ACVR1C: variants seen among roughly 807,000 people sequenced by gnomAD.
ACVR1C encodes the protein activin A receptor type 1C, also known as activin receptor type-1C.
ACVR1C carries 23 observed loss-of-function variants against 57.9 expected under a neutral mutation model. The ratio of observed to expected loss-of-function variants is 0.40; its 90% CI spans 0.29 to 0.56. The LOEUF is 0.56. ACVR1C is among the 20% of genes least tolerant of loss of function. The pLI, the probability that ACVR1C is intolerant of heterozygous loss-of-function variation, is 0.50. For missense variants in ACVR1C, 480 were observed against 607.9 expected, an observed-to-expected ratio of 0.79 and a Z score of 2.21; for synonymous variants, 214 against 215.3, an observed-to-expected ratio of 0.99 and a Z score of 0.05.
intron 1 of ACVR1C, among the ~76,000 whole-genome samples, chr2:157,602,254 A>G (rs141827182): frequency 2.0e-4 from 30 of 152,354 alleles, no homozygotes; most frequent in African/African-American, 7.0e-4. Flanking sequence ...CAATAATTTC[A>G]ACAGAAAAAT....
At chr2:157,572,379 T>TAA (rs552511395) in intron 2 of ACVR1C, among the ~76,000 whole-genome samples, 7 of 136,808 alleles carry the variant, frequency 5.1e-5, no homozygotes, top group African/African-American at 1.9e-4. Context: ...AAAAAAAAAT[T>TAA]AAAAAAAAAA....
intron 1 of ACVR1C, among the ~76,000 whole-genome samples, chr2:157,604,751 C>G (rs1005306151): frequency 5.9e-5 from 9 of 151,714 alleles, no homozygotes; most frequent in African/African-American, 2.2e-4. Context: ...GAGTTGTTTC[C>G]TTAATATTGA....
chr2:157,538,473 T>C (rs1687539349), intron 8 of ACVR1C, 100 bp downstream of exon 8: 1 of 1,159,284 alleles, frequency 8.6e-7, no homozygotes, highest in South Asian at 2.7e-5. Context: ...TGTCTACATA[T>C]ATGGAATGAA....
At chr2:157,549,486 T>C (rs1687857742) in intron 4 of ACVR1C, among the ~76,000 whole-genome samples, 1 of 152,114 alleles carries the variant, frequency 6.6e-6, no homozygotes, top group African/African-American at 2.4e-5. Flanking sequence ...TTCTCCAGGA[T>C]TCTGTTCTAC....
Position 157,587,182 on chromosome 2 carries a change from C to T in ACVR1C, c.304+5G>A. 1.2e-6 allele frequency: 2 copies of T among 1,602,376 alleles called. No individual in the cohort carries two copies. Among genetic ancestry groups the T allele is most frequent in the South Asian group, 2.2e-5 (2 of 90,796 alleles). On this transcript the variant is annotated splice_donor_5th_base_variant and intron_variant, in intron 2 of 8. Transcript: ENST00000243349. ...ATTCGGAATGAACAAAGATAAACCC[C>T]TTACCTGTTGGAAGGTGCAGTGTTA...
rs1347293591 is a variant in ACVR1C, at chr2:157,531,645, A to G, written c.*2273T>C. On this transcript the variant is annotated 3_prime_UTR_variant, in exon 9 of 9. Coordinates refer to ENST00000243349, the MANE Select transcript of ACVR1C (RefSeq NM_145259.3). ...AATAATTTCGTTCTTATATATGCAG[A>G]AAAACAATCTATGAGAAATTAGTAA... 1 of 152,126 alleles carries G rather than the reference A, an allele frequency of 6.6e-6. No homozygotes were observed. The highest frequency in any genetic ancestry group is 1.5e-5 in the Non-Finnish European group (1 of 67,988). 9.4% of individuals were successfully genotyped at this position (152,126 alleles called of 1,614,324 possible).
At position 157,628,621 on chromosome 2, in the gene ACVR1C, C is replaced by A. The variant is rs1419448524; in HGVS notation, c.24G>T (p.Ala8=). 4.4e-6 allele frequency: 7 copies of A among 1,597,982 alleles called. No homozygotes were observed. The African/African-American group carries it at 8.1e-5, about 18-fold the overall frequency. Residue 8 remains alanine (A), a synonymous_variant, in exon 1 of 9, where the codon GCG becomes GCT. Transcript: ENST00000243349. MTRALCS[A]LRQALLLLAA... ...CGAGCAGCAGGAGAGCCTGGCGGAG[C>A]GCTGAGCAGAGCGCCCGGGTCATCG...
At chr2:157,598,323 A>T in intron 1 of ACVR1C, among the ~76,000 whole-genome samples, 1 of 151,870 alleles carries the variant, frequency 6.6e-6, no homozygotes, top group East Asian at 1.9e-4. Flanking sequence ...AATATATACA[A>T]TTATGATTTG....
intron 2 of ACVR1C, among the ~76,000 whole-genome samples, chr2:157,582,996 C>T (rs914176934): frequency 6.6e-6 from 1 of 152,118 alleles, no homozygotes; most frequent in Non-Finnish European, 1.5e-5. Flanking sequence ...ATTCTCCCGC[C>T]TCAGCCTCCC....
At chr2:157,612,962 G>T (rs1006970364) in intron 1 of ACVR1C, among the ~76,000 whole-genome samples, 7 of 152,216 alleles carry the variant, frequency 4.6e-5, no homozygotes, top group African/African-American at 1.7e-4. Context: ...GTGTGACCCA[G>T]TACAAGTTCC....
At chr2:157,583,097 G>A (rs1223608208) in intron 2 of ACVR1C, among the ~76,000 whole-genome samples, 1 of 152,070 alleles carries the variant, frequency 6.6e-6, no homozygotes, top group South Asian at 2.1e-4. Context: ...CCAACCTCAA[G>A]TGATCTGCCC....
chr2:157,556,157 C>T lies in ACVR1C; in HGVS notation c.480G>A (p.Leu160=). ...NVEEPLSECN[L]VNAGKTLKDL... is the part of the protein sequence containing the mutation. ...CTTTCAGAGTTTTTCCAGCATTTAC[C>T]AGATTGCACTCAGAGAGTGGTTCCT... The change falls in exon 3 of 9, where the codon CTG becomes CTA. Residue 160 remains leucine, a synonymous_variant. Transcript: ENST00000243349. 2 of 1,613,988 alleles carry T rather than the reference C, an allele frequency of 1.2e-6. No individual in the cohort carries two copies. Among genetic ancestry groups the T allele is most frequent in the Non-Finnish European group, 1.7e-6 (2 of 1,179,954 alleles).
intron 2 of ACVR1C, among the ~76,000 whole-genome samples, chr2:157,575,965 T>A (rs1688636063): frequency 6.6e-6 from 1 of 152,206 alleles, no homozygotes; most frequent in Non-Finnish European, 1.5e-5. Flanking sequence ...CAGATTTACC[T>A]ACACTCACAC....
At chr2:157,566,920 GA>G (rs1348104431) in intron 2 of ACVR1C, among the ~76,000 whole-genome samples, 9 of 147,890 alleles carry the variant, frequency 6.1e-5, no homozygotes, top group Non-Finnish European at 1.1e-4. Context: ...GCAGGGCACA[GA>G]CAAACAAAAA....
chr2:157,537,691 C>CA (rs891201574), intron 8 of ACVR1C, among the ~76,000 whole-genome samples: 27 of 151,210 alleles, frequency 1.8e-4, no homozygotes, highest in African/African-American at 2.4e-4. Flanking sequence ...TAAAATATGG[C>CA]AAAAAAAATA....
chr2:157,566,064 A>C (rs1197251870), intron 2 of ACVR1C, among the ~76,000 whole-genome samples: 1 of 152,274 alleles, frequency 6.6e-6, no homozygotes, highest in East Asian at 1.9e-4. Flanking sequence ...CATACCTAGC[A>C]GAAATGATAG....
chr2:157,574,369 GTC>G lies in ACVR1C; in HGVS notation c.304+12816_304+12817del, dbSNP rs529028834. Among the ~76,000 whole-genome samples, 62 of 152,254 alleles carry G rather than the reference GTC, an allele frequency of 4.1e-4. 2 individuals are homozygous for G. In the South Asian group the frequency reaches 0.012, roughly 29 times the overall value. Reference sequence around the variant, plus strand: ...TTGGACCCATTTTATGAGGGCACTAGTCTCATTCATGAGGGCTCCACCCTCCT... The same window carrying G: ...TTGGACCCATTTTATGAGGGCACTAGTCATTCATGAGGGCTCCACCCTCCT... On this transcript the variant is annotated intron_variant, in intron 2 of 8. Coordinates refer to ENST00000243349, the MANE Select transcript of ACVR1C (RefSeq NM_145259.3).
Position 157,533,722 on chromosome 2 carries a change from C to G in ACVR1C, c.*196G>C, listed in dbSNP as rs919746767. On this transcript the variant is annotated 3_prime_UTR_variant, in exon 9 of 9. Transcript: ENST00000243349. The stretch of plus-strand genomic sequence containing the variant: ...GCTTTCAAAATAAAATTAAACATAA[C>G]ATAGAGATTGGATGAAGTCAACTCC... 5 of 348,792 alleles carry G rather than the reference C, an allele frequency of 1.4e-5. No individual in the cohort carries two copies. In the South Asian group the frequency reaches 6.7e-4, roughly 46 times the overall value. 21.6% of individuals were successfully genotyped at this position (348,792 alleles called of 1,614,324 possible).
In ACVR1C at chr2:157,538,655, T is replaced by TC; in HGVS notation, c.1273dup (p.Asp425GlyfsTer13). The stretch of plus-strand genomic sequence containing the variant: ...CTTTCTCATTTCCTCTATCGAGGGA[T>TC]CTGAAGGCACCATGTCATAATAAGG... On this transcript the variant is annotated frameshift_variant, in exon 8 of 9. Transcript: ENST00000243349. LOFTEE classifies it high-confidence loss of function. 6.3e-7 allele frequency: 1 copy of TC among 1,579,576 alleles called. No individual in the cohort carries two copies. The highest frequency in any genetic ancestry group is 8.6e-7 in the Non-Finnish European group (1 of 1,163,302).
Sources: gnomAD v4.1 joint callset for allele counts (sites outside exome capture counted in the v4.1 genomes callset) on GRCh38, gnomAD v4.1.1 for gene constraint, MANE v1.5 for transcripts, NCBI Gene and HGNC (gene_info 2026-07-23, HGNC 2026-07-21) for gene names.